Variants in ADCY5 observed in about 807,000 individuals in gnomAD.
The protein encoded by ADCY5 is adenylate cyclase 5.
ADCY5 carries 30 observed loss-of-function variants against 119.7 expected under a neutral mutation model. The ratio of observed to expected loss-of-function variants is 0.25; its 90% CI spans 0.19 to 0.34. The LOEUF (loss-of-function observed/expected upper bound fraction) is 0.34, where lower values mean the gene tolerates loss of function less well. Among genes scored for constraint, ADCY5 ranks in the 10% least tolerant of loss-of-function variants. The pLI is 1.00. For synonymous variants in ADCY5, 753 were observed against 762.2 expected, an observed-to-expected ratio of 0.99 and a Z score of 0.20; for missense variants, 1,324 against 1,775.2, an observed-to-expected ratio of 0.75 and a Z score of 4.57.
At chr3:123,310,602 TTTAACATGG>T (rs1940514024) in intron 12 of ADCY5, among the ~76,000 whole-genome samples, 1 of 152,224 alleles carries the variant, frequency 6.6e-6, no homozygotes, top group Non-Finnish European at 1.5e-5. Flanking sequence ...TGAGCAGGGC[TTTAACATGG>T]TTTTCTCTAC....
At chr3:123,359,619 T>A (rs1479497269) in intron 1 of ADCY5, among the ~76,000 whole-genome samples, 2 of 151,886 alleles carry the variant, frequency 1.3e-5, no homozygotes, top group Non-Finnish European at 2.9e-5. Flanking sequence ...AGAGGTAAGA[T>A]CTGATTTTCC....
chr3:123,412,364 G>A (rs926749461), intron 1 of ADCY5, among the ~76,000 whole-genome samples: 2 of 152,148 alleles, frequency 1.3e-5, no homozygotes, highest in Admixed American at 6.5e-5. Flanking sequence ...CCAATAGGAC[G>A]TCCCTGCGGG....
intron 1 of ADCY5, among the ~76,000 whole-genome samples, chr3:123,381,203 C>T (rs1944019145): frequency 2.6e-5 from 4 of 152,308 alleles, no homozygotes; most frequent in Middle Eastern, 3.4e-3. Flanking sequence ...CTAGTAAATG[C>T]CGAGGATTTT....
chr3:123,447,513 C>T lies in ADCY5; in HGVS notation c.1033G>A (p.Val345Met). ...CTGAGCACTGCGGCCCGCATGCGCACGGGCAGCAGCGTGTAGATGGTGTAG... is the reference window on the plus strand; with the variant it reads ...CTGAGCACTGCGGCCCGCATGCGCATGGGCAGCAGCGTGTAGATGGTGTAG... ...FIYTIYTLLP[V>M]RMRAAVLSGV... The change falls in exon 1 of 21, where the codon GTG becomes ATG. Residue 345 changes from valine to methionine, a missense_variant. By Grantham distance (21) the Val-to-Met change is conservative. Coordinates refer to ENST00000462833, the MANE Select transcript of ADCY5 (RefSeq NM_183357.3). 6.2e-7 allele frequency: 1 copy of T among 1,611,340 alleles called. No homozygotes were observed. Among genetic ancestry groups the T allele is most frequent in the South Asian group, 1.1e-5 (1 of 90,842 alleles).
In ADCY5 at chr3:123,428,436, C is replaced by T. The variant is rs148965339; in HGVS notation, c.1134+18976G>A. On this transcript the variant is annotated intron_variant, in intron 1 of 20. Transcript: ENST00000462833. ...CTGCTACCAGGCTACCTCCTAGCTC[C>T]TGCTCTCTGGATTACAGTGTCTCCA... is the stretch of plus-strand genomic sequence containing the variant. 6.2e-3 allele frequency among the ~76,000 whole-genome samples: 940 copies of T among 152,346 alleles called. 5 individuals are homozygous for T. The highest frequency in any genetic ancestry group is 0.021 in the African/African-American group (870 of 41,586).
intron 1 of ADCY5, chr3:123,420,041 T>C (rs1945270032): frequency 6.6e-6 from 1 of 152,128 alleles, no homozygotes; most frequent in East Asian, 1.9e-4. Flanking sequence ...GACATATCTG[T>C]TTCCTCAAAT....
At chr3:123,379,285 T>C (rs1245780790) in intron 1 of ADCY5, among the ~76,000 whole-genome samples, 3 of 152,044 alleles carry the variant, frequency 2.0e-5, no homozygotes, top group Admixed American at 2.0e-4. Flanking sequence ...GGTCCTTTGC[T>C]GGTGGAGTTC....
chr3:123,324,465 C>T (rs1229334984), intron 8 of ADCY5, among the ~76,000 whole-genome samples: 1 of 127,440 alleles, frequency 7.8e-6, no homozygotes, highest in Non-Finnish European at 1.7e-5. Flanking sequence ...CACACACACA[C>T]ACACAGTCCC....
At chr3:123,312,255 A>G (rs1940631346) in intron 12 of ADCY5, among the ~76,000 whole-genome samples, 1 of 152,248 alleles carries the variant, frequency 6.6e-6, no homozygotes, top group South Asian at 2.1e-4. Flanking sequence ...CTAATTAAGT[A>G]CCTGAAAGAA....
intron 17 of ADCY5, among the ~76,000 whole-genome samples, chr3:123,295,876 T>C (rs1019400492): frequency 6.6e-6 from 1 of 152,196 alleles, no homozygotes; most frequent in African/African-American, 2.4e-5. Context: ...ACAGAGTAAG[T>C]CCCAGGGTTT....
chr3:123,330,983 C>T lies in ADCY5; in HGVS notation c.1552G>A (p.Asp518Asn). The T allele has an allele frequency of 6.2e-7, 1 of 1,613,842 alleles. No individual in the cohort carries two copies. Among genetic ancestry groups the T allele is most frequent in the Non-Finnish European group, 8.5e-7 (1 of 1,179,776 alleles). ...NHCLRIKILG[D>N]CYYCVSGLPE... ...AGCCCCGAGACGCAGTAATAACAAT[C>T]CCCAAGGATCTTAATACGTAAACAG... is the stretch of plus-strand genomic sequence containing the variant. The change falls in exon 5 of 21, where the codon GAT (aspartate) becomes AAT (asparagine). Residue 518 changes from aspartate (D) to asparagine (N), a missense_variant. Asp to Asn is a conservative substitution (Grantham distance 23). Transcript: ENST00000462833.
rs762371385 is a variant in ADCY5, at chr3:123,352,417, A to AG, written c.1284+14dup. The AG allele has an allele frequency of 7.5e-6, 12 of 1,608,260 alleles. No individual in the cohort carries two copies. The highest frequency in any genetic ancestry group is 1.0e-5 in the Non-Finnish European group (12 of 1,178,530). On this transcript the variant is annotated intron_variant, in intron 2 of 20. Coordinates refer to ENST00000462833, the MANE Select transcript of ADCY5 (RefSeq NM_183357.3). The surrounding 1 kb of genome is among the most constrained non-coding windows in gnomAD (Gnocchi z 4.8). ...CGACTCCGTCCCACTGTGCAAGGGC[A>AG]GGGGCCTCACTCACCTGCTGCTGGT...
intron 9 of ADCY5, among the ~76,000 whole-genome samples, 159 bp downstream of exon 9, chr3:123,320,570 CCTGGCCTGTCTGGGGCTGCT>C (rs1282298374): frequency 6.6e-6 from 1 of 152,164 alleles, no homozygotes. Context: ...TCTGGGCTGC[CCTGGCCTGTCTGGGGCTGCT>C]GCTGACCACC....
At chr3:123,405,696 G>A (rs534195006) in intron 1 of ADCY5, among the ~76,000 whole-genome samples, 26 of 152,100 alleles carry the variant, frequency 1.7e-4, no homozygotes, top group Non-Finnish European at 2.5e-4. Flanking sequence ...GTGCGGTGGC[G>A]CCATCTTGGC....
intron 1 of ADCY5, among the ~76,000 whole-genome samples, chr3:123,358,003 A>C (rs1202553376): frequency 1.3e-5 from 2 of 152,134 alleles, no homozygotes; most frequent in Non-Finnish European, 2.9e-5. Flanking sequence ...GTAAGTATAA[A>C]CCCTGTCCTT....
intron 1 of ADCY5, among the ~76,000 whole-genome samples, chr3:123,383,980 A>G (rs1346510931): frequency 1.5e-5 from 1 of 67,866 alleles, no homozygotes; most frequent in Non-Finnish European, 3.7e-5. Context: ...ACACACACAC[A>G]CAAACACACA....
At position 123,447,894 on chromosome 3, in the gene ADCY5, A is replaced by G; in HGVS notation, c.652T>C (p.Ser218Pro). ...AGTTTGTCCGACGGGAACTTCTTGG[A>G]GCGGAATATCTGCAGCAACGCCAGG... ...CCLALLQIFR[S>P]KKFPSDKLER... The change falls in exon 1 of 21, where the codon TCC (serine) becomes CCC (proline). Residue 218 changes from serine (S) to proline (P), a missense_variant. Ser to Pro is a moderately conservative substitution (Grantham distance 74). Coordinates refer to ENST00000462833, the MANE Select transcript of ADCY5 (RefSeq NM_183357.3). 6.2e-7 allele frequency: 1 copy of G among 1,611,876 alleles called. No homozygotes were observed.
rs751723059 is a variant in ADCY5 at position 123,447,539 on chromosome 3, A to G, written c.1007T>C (p.Ile336Thr). ...GGGCAGCAGCGTGTAGATGGTGTAG[A>G]TGAAGAACACGGTCCACCAGATGCC... ...SEGIWWTVFFIYTIYTLLPVR... is the reference protein window; with the variant it reads ...SEGIWWTVFFTYTIYTLLPVR... The change falls in exon 1 of 21, where the codon ATC becomes ACC. Residue 336 changes from isoleucine (I) to threonine (T), a missense_variant. Transcript: ENST00000462833. The G allele has an allele frequency of 1.9e-6, 3 of 1,610,414 alleles. No homozygotes were observed. Among genetic ancestry groups the G allele is most frequent in the East Asian group, 2.2e-5 (1 of 44,848 alleles).
intron 1 of ADCY5, among the ~76,000 whole-genome samples, chr3:123,437,289 G>A (rs769255944): frequency 1.2e-4 from 18 of 152,102 alleles, no homozygotes; most frequent in Admixed American, 4.6e-4. Context: ...CTGCTCTCAG[G>A]AAGTAACTCC....
Sources: gnomAD v4.1 joint callset for allele counts (sites outside exome capture counted in the v4.1 genomes callset) on GRCh38, gnomAD v4.1.1 for gene constraint, Gnocchi (gnomAD v3.1) non-coding constraint, MANE v1.5 for transcripts, NCBI Gene and HGNC (gene_info 2026-07-23, HGNC 2026-07-21) for gene names.